Variants in SLC2A10 observed in about 807,000 individuals in gnomAD.
SLC2A10 encodes solute carrier family 2 member 10, also known as solute carrier family 2, facilitated glucose transporter member 10.
A neutral mutation model predicts 32.1 loss-of-function variants in SLC2A10; 25 were observed. That is an observed-to-expected ratio of 0.78 (90% CI 0.57 to 1.09). The LOEUF is 1.09. SLC2A10 is among the 50% of genes least tolerant of loss of function. SLC2A10 has a pLI of 0.00. For synonymous variants in SLC2A10, 332 were observed against 309.6 expected (o/e 1.07, Z -0.76); for missense variants, 673 against 686.5 (o/e 0.98, Z 0.22).
At chr20:46,732,033 T>TGCC (rs1368337424) in intron 4 of SLC2A10, among the ~76,000 whole-genome samples, 1 of 152,190 alleles carries the variant, frequency 6.6e-6, no homozygotes, top group Admixed American at 6.5e-5. Flanking sequence ...GGGAGGCAGA[T>TGCC]GCCGGTAGAG....
intron 3 of SLC2A10, among the ~76,000 whole-genome samples, chr20:46,729,011 G>A (rs1980130462): frequency 6.6e-6 from 1 of 151,958 alleles, no homozygotes; most frequent in African/African-American, 2.4e-5. Context: ...CCACTCAGCT[G>A]GATCCACGAT....
upstream of SLC2A10, chr20:46,709,614 AGGAGGGACAGAGGCGGGGGCGGGCC>A: frequency 7.9e-7 from 1 of 1,273,150 alleles, no homozygotes; most frequent in Non-Finnish European, 1.1e-6. Context: ...AGGGCAGGGC[AGGAGGGACAGAGGCGGGGGCGGGCC>A]GGAAAGTTTG....
At chr20:46,719,424 A>T (rs916947301) in intron 1 of SLC2A10, among the ~76,000 whole-genome samples, 3 of 152,176 alleles carry the variant, frequency 2.0e-5, no homozygotes, top group Admixed American at 2.0e-4. Context: ...AGGTTTAATG[A>T]ACTCACAGTT....
Position 46,715,883 on chromosome 20 carries a change from G to A in SLC2A10, c.4+6143G>A, listed in dbSNP as rs151169652. ...GTCTCAGTCTGTCACCCAAGCTGGA[G>A]TGCAGTGTCACGATCATAGCTCACT... is the stretch of plus-strand genomic sequence containing the variant. On this transcript the variant is annotated intron_variant, in intron 1 of 4. Coordinates refer to ENST00000359271, the MANE Select transcript of SLC2A10 (RefSeq NM_030777.4). Among the ~76,000 whole-genome samples the A allele has an allele frequency of 3.9e-3, 596 of 152,254 alleles. 7 individuals are homozygous for A. Among genetic ancestry groups the A allele is most frequent in the African/African-American group, 0.013 (554 of 41,518 alleles).
chr20:46,724,986 G>A, intron 1 of SLC2A10, 55 bp from the exon 2 acceptor site: 2 of 1,612,734 alleles, frequency 1.2e-6, no homozygotes, highest in Admixed American at 1.7e-5. Context: ...TTGAATGGAT[G>A]GATGGTATGA....
chr20:46,729,635 T>G (rs996136775), intron 4 of SLC2A10, 147 bp downstream of exon 4: 187 of 234,514 alleles, frequency 8.0e-4, no homozygotes, highest in Middle Eastern at 2.4e-3. Flanking sequence ...GTTTTTTTTT[T>G]TTTTTTTTTT....
At chr20:46,727,839 A>G (rs1356829744) in intron 3 of SLC2A10, among the ~76,000 whole-genome samples, 1 of 152,124 alleles carries the variant, frequency 6.6e-6, no homozygotes, top group African/African-American at 2.4e-5. Context: ...TCCCCAAGGC[A>G]CAGTTCTTAG....
intron 1 of SLC2A10, among the ~76,000 whole-genome samples, chr20:46,713,240 A>G (rs1033210021): frequency 1.2e-4 from 19 of 152,132 alleles, no homozygotes; most frequent in Admixed American, 1.1e-3. Flanking sequence ...GAGACCAATA[A>G]ATATGTAAAA....
chr20:46,725,033 T>G lies in SLC2A10; in HGVS notation c.5-8T>G, dbSNP rs748322289. 5.0e-6 allele frequency: 8 copies of G among 1,614,180 alleles called. No homozygotes were observed. In the Admixed American group the frequency reaches 1.3e-4, roughly 27 times the overall value. On this transcript the variant is annotated splice_region_variant and splice_polypyrimidine_tract_variant and intron_variant, in intron 1 of 4. Transcript: ENST00000359271. ...TCTAACTCTGTCCCTCTCACTTTTGTTTTTTAGGCCACTCCCCACCTGTCC... is the reference window on the plus strand; with the variant it reads ...TCTAACTCTGTCCCTCTCACTTTTGGTTTTTAGGCCACTCCCCACCTGTCC...
chr20:46,708,460 C>T (rs559365201), upstream of SLC2A10, among the ~76,000 whole-genome samples: 1 of 152,300 alleles, frequency 6.6e-6, no homozygotes, highest in Admixed American at 6.5e-5. Flanking sequence ...CACCTATTTC[C>T]ACGTGGATGC....
chr20:46,733,926 T>C lies in SLC2A10; in HGVS notation c.*92T>C. On this transcript the variant is annotated 3_prime_UTR_variant, in exon 5 of 5. Coordinates refer to ENST00000359271, the MANE Select transcript of SLC2A10 (RefSeq NM_030777.4). Reference sequence around the variant, plus strand: ...TAGGCCCCAGAGCACAAGTTCCAGCTGGTCTTTTGGGAGTGGCCCCTGCCC... The same window carrying C: ...TAGGCCCCAGAGCACAAGTTCCAGCCGGTCTTTTGGGAGTGGCCCCTGCCC... 3 of 1,310,958 alleles carry C rather than the reference T, an allele frequency of 2.3e-6. No homozygotes were observed. The highest frequency in any genetic ancestry group is 1.9e-5 in the Admixed American group (1 of 52,978). 81.2% of individuals were successfully genotyped at this position (1,310,958 alleles called of 1,614,324 possible).
Position 46,725,380 on chromosome 20 carries a change from C to T in SLC2A10, c.344C>T (p.Ser115Phe), listed in dbSNP as rs1181029518. The T allele has an allele frequency of 8.1e-6, 13 of 1,614,188 alleles. No homozygotes were observed. In the Middle Eastern group the frequency reaches 6.6e-4, roughly 82 times the overall value. Residue 115 changes from serine (S) to phenylalanine (F), a missense_variant, in exon 2 of 5, where the codon TCC (serine) becomes TTC (phenylalanine). Ser to Phe is a radical substitution (Grantham distance 155). Transcript: ENST00000359271. ...GTGGTTGGCTTCGCCATTTCCCTCT[C>T]CTCCATGGCTTGCTGTATCTACGTG... ...RAVVGFAISL[S>F]SMACCIYVSE...
rs1319058721 is a variant in SLC2A10 at position 46,735,779 on chromosome 20, A to G, written c.*1945A>G. On this transcript the variant is annotated 3_prime_UTR_variant, in exon 5 of 5. Transcript: ENST00000359271. ...AAAGTATGTCTTGTTTGTAGCCAAT[A>G]CATGGTGTATAGCACCAAAAAATGG... 4 of 152,268 alleles carry G rather than the reference A, an allele frequency of 2.6e-5. No homozygotes were observed. Among genetic ancestry groups the G allele is most frequent in the African/African-American group, 9.6e-5 (4 of 41,466 alleles). The allele number at this position is 152,268 out of a possible 1,614,324, so 9.4% of individuals were successfully genotyped here.
chr20:46,725,925 A>C lies in SLC2A10; in HGVS notation c.889A>C (p.Arg297=). The change falls in exon 2 of 5, where the codon AGG becomes CGG. Residue 297 remains arginine (R), a synonymous_variant. Transcript: ENST00000359271. ...AMGLVDRAGR[R]ALLLAGCALM... Reference sequence around the variant, plus strand: ...GGGGCTGGTGGACCGTGCAGGCCGCAGGGCTCTGTTGCTAGCTGGCTGTGC... The same window carrying C: ...GGGGCTGGTGGACCGTGCAGGCCGCCGGGCTCTGTTGCTAGCTGGCTGTGC... 1 of 1,613,998 alleles carries C rather than the reference A, an allele frequency of 6.2e-7. No homozygotes were observed. The highest frequency in any genetic ancestry group is 8.5e-7 in the Non-Finnish European group (1 of 1,180,018).
chr20:46,725,626 A>T lies in SLC2A10; in HGVS notation c.590A>T (p.Asp197Val). 1 of 1,613,976 alleles carries T rather than the reference A, an allele frequency of 6.2e-7. No homozygotes were observed. Among genetic ancestry groups the T allele is most frequent in the Non-Finnish European group, 8.5e-7 (1 of 1,179,960 alleles). ...AGTDETATHK[D>V]LIPLQGGEAP... is the part of the protein sequence containing the mutation. The stretch of plus-strand genomic sequence containing the variant: ...ACAGATGAGACTGCAACACACAAGG[A>T]CCTCATCCCACTCCAGGGAGGTGAG... Residue 197 changes from aspartate to valine, a missense_variant, in exon 2 of 5, where the codon GAC becomes GTC. Physicochemically the swap from Asp to Val is radical, Grantham distance 152. Transcript: ENST00000359271.
chr20:46,722,291 A>G (rs1979600410), intron 1 of SLC2A10, among the ~76,000 whole-genome samples: 1 of 152,198 alleles, frequency 6.6e-6, no homozygotes, highest in African/African-American at 2.4e-5. Flanking sequence ...CTGAGAGGCC[A>G]AAGAAAGAGG....
chr20:46,708,816 A>G (rs2122982914), upstream of SLC2A10, among the ~76,000 whole-genome samples: 1 of 152,166 alleles, frequency 6.6e-6, no homozygotes. Flanking sequence ...TCTGCTCCAG[A>G]CACTCTGGCT....
chr20:46,723,868 GATGAT>G (rs1979693643), intron 1 of SLC2A10, among the ~76,000 whole-genome samples: 1 of 152,196 alleles, frequency 6.6e-6, no homozygotes, highest in Non-Finnish European at 1.5e-5. Context: ...CACTTTGGAG[GATGAT>G]ATGTTATAGG....
rs1979909437 is a variant in SLC2A10, at chr20:46,725,954, C to T, written c.918C>T (p.Leu306=). ...CTCTGTTGCTAGCTGGCTGTGCCCT[C>T]ATGGCCCTGTCCGTCAGTGGCATAG... ...RRALLLAGCA[L]MALSVSGIGL... The change falls in exon 2 of 5, where the codon CTC becomes CTT. Residue 306 remains leucine, a synonymous_variant. Transcript: ENST00000359271. 3 of 1,613,882 alleles carry T rather than the reference C, an allele frequency of 1.9e-6. No individual in the cohort carries two copies. Among genetic ancestry groups the T allele is most frequent in the Admixed American group, 1.7e-5 (1 of 60,034 alleles).
Sources: gnomAD v4.1 joint callset for allele counts (sites outside exome capture counted in the v4.1 genomes callset) on GRCh38, gnomAD v4.1.1 for gene constraint, MANE v1.5 for transcripts, NCBI Gene and HGNC (gene_info 2026-07-23, HGNC 2026-07-21) for gene names.